Variants in SUMF1 observed in about 807,000 individuals in gnomAD.
SUMF1 encodes sulfatase modifying factor 1, also known as formylglycine-generating enzyme.
Under a neutral mutation model 47.6 loss-of-function variants are expected in SUMF1, and 48 were observed. The observed-to-expected ratio is 1.01, with a 90% CI of 0.80 to 1.28. The LOEUF is 1.28. SUMF1 is among the 50% of genes most tolerant of loss of function. The probability of loss-of-function intolerance (pLI) is 0.00; values close to 1 mark genes in which losing one functional copy is unlikely to be tolerated. For missense variants in SUMF1, 571 were observed against 485.4 expected, an observed-to-expected ratio of 1.18 and a Z score of -1.66; for synonymous variants, 230 against 192.1, an observed-to-expected ratio of 1.20 and a Z score of -1.63.
intron 8 of SUMF1, among the ~76,000 whole-genome samples, chr3:4,171,987 T>A (rs1694842380): frequency 6.6e-6 from 1 of 152,106 alleles, no homozygotes. Context: ...CTATCAAATG[T>A]ATGTTTTAGA....
At chr3:4,091,092 AC>A (rs1223214167) in intron 8 of SUMF1, among the ~76,000 whole-genome samples, 2 of 143,614 alleles carry the variant, frequency 1.4e-5, no homozygotes, top group African/African-American at 5.7e-5. Flanking sequence ...AACAACAACA[AC>A]AACAAAAAAA....
chr3:4,342,357 A>T (rs180804262), intron 8 of SUMF1, among the ~76,000 whole-genome samples: 142 of 152,214 alleles, frequency 9.3e-4, no homozygotes, highest in African/African-American at 3.2e-3. Flanking sequence ...ACATGGTGAA[A>T]CCCCATCTCT....
chr3:4,104,668 C>T (rs1013809629), intron 8 of SUMF1, among the ~76,000 whole-genome samples: 2 of 143,776 alleles, frequency 1.4e-5, no homozygotes, highest in African/African-American at 5.2e-5. Context: ...ATCTCGATTT[C>T]TCTCTCTCTC....
At chr3:4,135,529 C>T (rs1022204500) in intron 8 of SUMF1, among the ~76,000 whole-genome samples, 2 of 152,068 alleles carry the variant, frequency 1.3e-5, no homozygotes, top group African/African-American at 4.8e-5. Flanking sequence ...ACTGAATGAG[C>T]AAAAACTGGA....
At chr3:4,174,356 CAAA>C (rs547741138) in intron 8 of SUMF1, among the ~76,000 whole-genome samples, 346 of 112,470 alleles carry the variant, frequency 3.1e-3, no homozygotes, top group Non-Finnish European at 3.5e-3. Context: ...ACTCCGTCTC[CAAA>C]AAAAAAAAAA....
intron 8 of SUMF1, among the ~76,000 whole-genome samples, chr3:4,251,303 A>T (rs1696796871): frequency 6.6e-6 from 1 of 152,234 alleles, no homozygotes; most frequent in Non-Finnish European, 1.5e-5. Context: ...CAATCTCATT[A>T]TAAAACTTTC....
chr3:4,330,298 T>A (rs1262579258), intron 8 of SUMF1, among the ~76,000 whole-genome samples: 1 of 152,188 alleles, frequency 6.6e-6, no homozygotes, highest in Non-Finnish European at 1.5e-5. Context: ...CAGTACCAAT[T>A]TACTGTATTA....
chr3:4,312,898 T>C (rs1205250682), intron 8 of SUMF1: 1 of 1,608,336 alleles, frequency 6.2e-7, no homozygotes, highest in South Asian at 1.1e-5. Flanking sequence ...TTTTTTACAG[T>C]ACACTCCTGA....
chr3:4,094,669 C>T (rs376000424), intron 8 of SUMF1, among the ~76,000 whole-genome samples: 24 of 151,990 alleles, frequency 1.6e-4, no homozygotes, highest in African/African-American at 5.6e-4. Context: ...ATGCAATTGC[C>T]CTAGTTATGG....
intron 8 of SUMF1, among the ~76,000 whole-genome samples, chr3:4,174,571 A>T (rs568879464): frequency 6.6e-6 from 1 of 151,944 alleles, no homozygotes; most frequent in African/African-American, 2.4e-5. Flanking sequence ...GGGGCGTTCC[A>T]AGATGGCCGA....
At chr3:4,178,841 A>C (rs1695030356) in intron 8 of SUMF1, among the ~76,000 whole-genome samples, 1 of 152,230 alleles carries the variant, frequency 6.6e-6, no homozygotes, top group Admixed American at 6.5e-5. Flanking sequence ...ACTTCAGCAA[A>C]GTCTCAGGAT....
chr3:4,131,704 G>A lies in SUMF1; in HGVS notation c.1015-62959C>T, dbSNP rs141877457. ...ACAAAGAAATTTGGGGAAGAGGTAC[G>A]TGGATGAACCTCTCTGAGTAGTCAA... On this transcript the variant is annotated intron_variant and NMD_transcript_variant, in intron 8 of 12. Transcript: ENST00000448413. Among the ~76,000 whole-genome samples, 432 of 152,318 alleles carry A rather than the reference G, an allele frequency of 2.8e-3. 4 individuals carry two copies. Among genetic ancestry groups the A allele is most frequent in the African/African-American group, 9.0e-3 (373 of 41,560 alleles).
At chr3:4,235,651 G>A (rs560082672) in intron 8 of SUMF1, among the ~76,000 whole-genome samples, 2 of 152,026 alleles carry the variant, frequency 1.3e-5, no homozygotes, top group African/African-American at 4.8e-5. Flanking sequence ...GTACTTACAA[G>A]GGAACATCCT....
At chr3:4,213,032 C>T (rs1695833849) in intron 8 of SUMF1, among the ~76,000 whole-genome samples, 1 of 151,988 alleles carries the variant, frequency 6.6e-6, no homozygotes, top group Admixed American at 6.6e-5. Context: ...GCAAGACAGG[C>T]CAACATTCAA....
At chr3:4,423,776 T>C (rs1411010422) in intron 3 of SUMF1, among the ~76,000 whole-genome samples, 1 of 152,186 alleles carries the variant, frequency 6.6e-6, no homozygotes, top group Non-Finnish European at 1.5e-5. Flanking sequence ...AGAACCCTTA[T>C]GAATTGCTTG....
In SUMF1 at chr3:4,388,487, AT is replaced by A. The variant is rs2124916006; in HGVS notation, c.955-12099del. Among the ~76,000 whole-genome samples, 2 of 152,162 alleles carry A rather than the reference AT, an allele frequency of 1.3e-5. 1 individual carries two copies. The highest frequency in any genetic ancestry group is 1.3e-4 in the Admixed American group (2 of 15,284). ...TGAAGTTTCTTGTACACAGCATATA[AT>A]TAGGTTGTTTTTTTAATCTACTATG... is the stretch of plus-strand genomic sequence containing the variant. On this transcript the variant is annotated intron_variant, in intron 7 of 8. Transcript: ENST00000272902.
chr3:4,121,529 C>T (rs1315844455), intron 8 of SUMF1, among the ~76,000 whole-genome samples: 2 of 151,964 alleles, frequency 1.3e-5, no homozygotes, highest in Non-Finnish European at 2.9e-5. Flanking sequence ...TTTTTTTCTG[C>T]CAAGAACCAC....
At chr3:4,253,598 C>T (rs1333202665) in intron 8 of SUMF1, among the ~76,000 whole-genome samples, 1 of 151,868 alleles carries the variant, frequency 6.6e-6, no homozygotes, top group African/African-American at 2.4e-5. Flanking sequence ...CCACACCTGG[C>T]TCAGAGGGTC....
At chr3:4,242,489 T>C (rs902396434) in intron 8 of SUMF1, among the ~76,000 whole-genome samples, 4 of 152,208 alleles carry the variant, frequency 2.6e-5, no homozygotes, top group African/African-American at 9.6e-5. Context: ...TGAAACACTG[T>C]TGAATTTTGT....
Sources: allele counts gnomAD v4.1 joint callset (sites outside exome capture counted in the v4.1 genomes callset), GRCh38; gene constraint gnomAD v4.1.1; transcripts MANE v1.5; gene names NCBI Gene and HGNC (gene_info 2026-07-23, HGNC 2026-07-21).